Variants in MARS1 observed in about 807,000 individuals in gnomAD.
MARS1 encodes methionyl-tRNA synthetase 1, also known as methionine--tRNA ligase, cytoplasmic.
MARS1 carries 80 observed loss-of-function variants against 119.5 expected under a neutral mutation model. That is an observed-to-expected ratio of 0.67 (90% confidence interval 0.56 to 0.81). The LOEUF (loss-of-function observed/expected upper bound fraction) is 0.81, where lower values mean the gene tolerates loss of function less well. Ranked by LOEUF, MARS1 falls within the 30% of genes least tolerant of loss-of-function variation. The pLI is 0.00. For synonymous variants in MARS1, 418 were observed against 433.4 expected (o/e 0.96, Z 0.44); for missense variants, 945 against 1,116.5 (o/e 0.85, Z 2.19).
At chr12:57,490,071 T>C (rs901360140) in intron 5 of MARS1, 100 bp downstream of exon 5, 6 of 1,425,422 alleles carry the variant, frequency 4.2e-6, no homozygotes, top group African/African-American at 2.8e-5. Context: ...ACAGCTTGAC[T>C]GGGCAACTAT....
chr12:57,512,612 C>CAT, intron 14 of MARS1, 139 bp from the exon 15 acceptor site: 1 of 724,568 alleles, frequency 1.4e-6, no homozygotes, highest in Admixed American at 2.7e-5. Flanking sequence ...AAAATCTGAG[C>CAT]ATACCAGCCC....
Position 57,490,562 on chromosome 12 carries a change from G to A in MARS1, c.688G>A (p.Glu230Lys). 6.2e-7 allele frequency: 1 copy of A among 1,614,154 alleles called. No homozygotes were observed. Among genetic ancestry groups the A allele is most frequent in the Non-Finnish European group, 8.5e-7 (1 of 1,180,026 alleles). ...PEEEELATLS[E>K]EEIAMAVTAW... Reference sequence around the variant, plus strand: ...GGAGGAGGAGCTGGCTACCCTATCTGAGGAGGAGATTGCTATGGCTGTTAC... The same window carrying A: ...GGAGGAGGAGCTGGCTACCCTATCTAAGGAGGAGATTGCTATGGCTGTTAC... Residue 230 changes from glutamate to lysine, a missense_variant, in exon 7 of 21, where the codon GAG (glutamate) becomes AAG (lysine). Transcript: ENST00000262027.
At chr12:57,509,175 G>A (rs967538736) in intron 11 of MARS1, among the ~76,000 whole-genome samples, 1 of 151,994 alleles carries the variant, frequency 6.6e-6, no homozygotes, top group African/African-American at 2.4e-5. Context: ...AAGGTGGCTT[G>A]TCTGCTTTTG....
intron 7 of MARS1, among the ~76,000 whole-genome samples, chr12:57,493,417 T>TA (rs1491230795): frequency 1.4e-4 from 3 of 21,162 alleles, no homozygotes; most frequent in Non-Finnish European, 2.6e-4. Context: ...ATATAATATA[T>TA]TATATGATAT....
At chr12:57,499,501 G>T (rs1386041147) in intron 9 of MARS1, among the ~76,000 whole-genome samples, 1 of 151,544 alleles carries the variant, frequency 6.6e-6, no homozygotes, top group Admixed American at 6.6e-5. Context: ...CTACTCTGGA[G>T]GCTGAGGCAG....
chr12:57,495,345 C>G (rs1411152352), intron 7 of MARS1, among the ~76,000 whole-genome samples: 1 of 146,452 alleles, frequency 6.8e-6, no homozygotes, highest in Non-Finnish European at 1.5e-5. Flanking sequence ...GGCAGAGACA[C>G]TCCTCAGATC....
intron 11 of MARS1, among the ~76,000 whole-genome samples, chr12:57,505,788 G>A (rs901814720): frequency 6.6e-6 from 1 of 151,738 alleles, no homozygotes; most frequent in Non-Finnish European, 1.5e-5. Context: ...CTCCAGCCTG[G>A]GCAACAGAGT....
chr12:57,514,694 C>A lies in MARS1; in HGVS notation c.1968-26C>A, dbSNP rs779973228. 5 of 1,613,620 alleles carry A rather than the reference C, an allele frequency of 3.1e-6. No homozygotes were observed. The South Asian group carries it at 5.5e-5, about 18-fold the overall frequency. On this transcript the variant is annotated intron_variant, in intron 15 of 20. Coordinates refer to ENST00000262027, the MANE Select transcript of MARS1 (RefSeq NM_004990.4). ...ATAATAACTTCCCCTCTTTTTTCCACTTCTGCTTTCCTACTCCCAACCAAG... is the reference window on the plus strand; with the variant it reads ...ATAATAACTTCCCCTCTTTTTTCCAATTCTGCTTTCCTACTCCCAACCAAG...
In MARS1 at chr12:57,498,486, A is replaced by T; in HGVS notation, c.954A>T (p.Thr318=). Residue 318 remains threonine (T), a synonymous_variant, in exon 9 of 21, where the codon ACA becomes ACT. Transcript: ENST00000262027. Reference sequence around the variant, plus strand: ...GGACAGATGAGTATGGTACAGCAACAGAGACCAAGGCTCTGGAGGAGGGAC... The same window carrying T: ...GGACAGATGAGTATGGTACAGCAACTGAGACCAAGGCTCTGGAGGAGGGAC... ...LCGTDEYGTA[T]ETKALEEGLT... 6.2e-7 allele frequency: 1 copy of T among 1,614,252 alleles called. No homozygotes were observed. Among genetic ancestry groups the T allele is most frequent in the Non-Finnish European group, 8.5e-7 (1 of 1,180,046 alleles).
At position 57,490,616 on chromosome 12, in the gene MARS1, C is replaced by A. The variant is rs1259205468; in HGVS notation, c.742C>A (p.Pro248Thr). The A allele has an allele frequency of 6.2e-7, 1 of 1,613,986 alleles. No homozygotes were observed. Residue 248 changes from proline (P) to threonine (T), a missense_variant, in exon 7 of 21, where the codon CCC (proline) becomes ACC (threonine). Transcript: ENST00000262027. ...TTGGGAGAAGGGCCTAGAAAGTTTG[C>A]CCCCGCTGCGGCCCCAGCAGAATCC... ...TAWEKGLESLPPLRPQQNPVL... is the reference protein window; with the variant it reads ...TAWEKGLESLTPLRPQQNPVL...
At chr12:57,491,150 G>A (rs1045271096) in intron 7 of MARS1, among the ~76,000 whole-genome samples, 17 of 151,920 alleles carry the variant, frequency 1.1e-4, no homozygotes, top group Admixed American at 1.1e-3. Context: ...TGGGATTACA[G>A]ACATGAGCCA....
intron 7 of MARS1, among the ~76,000 whole-genome samples, chr12:57,497,060 C>T (rs1478669128): frequency 6.6e-6 from 1 of 152,018 alleles, no homozygotes; most frequent in Admixed American, 6.6e-5. Context: ...CACACTCATT[C>T]TGAGAGATAA....
At chr12:57,491,581 C>A (rs1380055142) in intron 7 of MARS1, among the ~76,000 whole-genome samples, 2 of 152,070 alleles carry the variant, frequency 1.3e-5, no homozygotes, top group African/African-American at 4.8e-5. Context: ...CATCTGTTAT[C>A]CTCTTTCCCT....
chr12:57,498,454 C>G lies in MARS1; in HGVS notation c.922C>G (p.Leu308Val). The change falls in exon 9 of 21, where the codon CTG becomes GTG. Residue 308 changes from leucine to valine, a missense_variant. Physicochemically the swap from Leu to Val is conservative, Grantham distance 32 (BLOSUM62 1). Coordinates refer to ENST00000262027, the MANE Select transcript of MARS1 (RefSeq NM_004990.4). ...SRLRQWNTLYLCGTDEYGTAT... is the reference protein window; with the variant it reads ...SRLRQWNTLYVCGTDEYGTAT... ...CCTCCGCCAGTGGAACACCCTCTAT[C>G]TGTGTGGGACAGATGAGTATGGTAC... 6.2e-7 allele frequency: 1 copy of G among 1,614,178 alleles called. No individual in the cohort carries two copies. Among genetic ancestry groups the G allele is most frequent in the South Asian group, 1.1e-5 (1 of 91,084 alleles).
intron 1 of MARS1, chr12:57,488,749 G>A (rs1875671486): frequency 3.2e-6 from 4 of 1,245,040 alleles, no homozygotes; most frequent in Non-Finnish European, 4.6e-6. Flanking sequence ...CAGTCGTTAA[G>A]TTCTTGGCTG....
At chr12:57,493,668 TTATA>T (rs1183427791) in intron 7 of MARS1, among the ~76,000 whole-genome samples, 185 of 16,534 alleles carry the variant, frequency 0.011, 46 homozygotes, top group African/African-American at 0.084. Flanking sequence ...ATATTATATA[TTATA>T]TATATTATAT....
chr12:57,493,090 A>G (rs1041353999), intron 7 of MARS1, among the ~76,000 whole-genome samples: 4 of 151,010 alleles, frequency 2.6e-5, no homozygotes, highest in African/African-American at 9.8e-5. Flanking sequence ...AAGTGCTTCA[A>G]TTTCTGGGAG....
rs755639128 is a variant in MARS1 at position 57,515,194 on chromosome 12, C to T, written c.2249C>T (p.Ala750Val). The change falls in exon 18 of 21, where the codon GCC becomes GTC. Residue 750 changes from alanine to valine, a missense_variant. Transcript: ENST00000262027. ...TVTGLAVNIAALLSVMLQPYM... is the reference protein window; with the variant it reads ...TVTGLAVNIAVLLSVMLQPYM... ...ACTGGCTTGGCAGTGAATATAGCTG[C>T]CTTGCTCTCTGTCATGCTTCAGCCT... 4 of 1,614,192 alleles carry T rather than the reference C, an allele frequency of 2.5e-6. No individual in the cohort carries two copies. The highest frequency in any genetic ancestry group is 2.2e-5 in the South Asian group (2 of 91,086).
At chr12:57,510,657 A>G (rs552713229) in intron 11 of MARS1, among the ~76,000 whole-genome samples, 1 of 150,076 alleles carries the variant, frequency 6.7e-6, no homozygotes, top group African/African-American at 2.5e-5. Context: ...TCAGCTGGCC[A>G]TGGTGGTTCA....
Sources: gnomAD v4.1 joint callset for allele counts (sites outside exome capture counted in the v4.1 genomes callset) on GRCh38, gnomAD v4.1.1 for gene constraint, MANE v1.5 for transcripts, NCBI Gene and HGNC (gene_info 2026-07-23, HGNC 2026-07-21) for gene names.